Variants in PLN observed in about 807,000 individuals in gnomAD.
The protein encoded by PLN is phospholamban, also known as cardiac phospholamban.
Under a neutral mutation model 3.9 loss-of-function variants are expected in PLN, and 1 was observed. That is an observed-to-expected ratio of 0.26 (90% CI 0.09 to 1.23). The LOEUF is 1.23. Among genes scored for constraint, PLN ranks in the 50% most tolerant of loss-of-function variants. The probability of loss-of-function intolerance (pLI) is 0.48; values close to 1 mark genes in which losing one functional copy is unlikely to be tolerated. For missense variants in PLN, 59 were observed against 62.7 expected (o/e 0.94, Z 0.20); for synonymous variants, 21 against 20.5 (o/e 1.02, Z -0.07).
At chr6:118,550,639 C>G (rs1778487905) in intron 1 of PLN, among the ~76,000 whole-genome samples, 1 of 151,844 alleles carries the variant, frequency 6.6e-6, no homozygotes, top group South Asian at 2.1e-4. Context: ...ACAGGGAAAC[C>G]TTGGCAGAAG....
At chr6:118,557,731 T>C (rs1347286930) in intron 1 of PLN, among the ~76,000 whole-genome samples, 1 of 152,176 alleles carries the variant, frequency 6.6e-6, no homozygotes, top group Non-Finnish European at 1.5e-5. Flanking sequence ...ATACAAATTA[T>C]TATCGAATAA....
In PLN at chr6:118,560,609, A is replaced by C. The variant is rs1302994196; in HGVS notation, c.*1529A>C. On this transcript the variant is annotated 3_prime_UTR_variant, in exon 2 of 2. Coordinates refer to ENST00000357525, the MANE Select transcript of PLN (RefSeq NM_002667.5). ...TTGTTCAAGGGTCAACTGTAATAGG[A>C]TATAGCTATTTTTCTTCCTCTATCA... 6.0e-6 allele frequency: 1 copy of C among 166,996 alleles called. No homozygotes were observed. The highest frequency in any genetic ancestry group is 1.5e-5 in the Non-Finnish European group (1 of 68,082). The allele number at this position is 166,996 out of a possible 1,614,324, so 10.3% of individuals were successfully genotyped here. A position where few individuals can be genotyped will look rare whatever the true frequency, so the allele number is the denominator to read the frequency against.
At chr6:118,555,566 A>G (rs1032949922) in intron 1 of PLN, among the ~76,000 whole-genome samples, 19 of 152,216 alleles carry the variant, frequency 1.2e-4, no homozygotes, top group Non-Finnish European at 2.2e-4. Flanking sequence ...TCAATAAAGA[A>G]CAAAAGAAAA....
intron 1 of PLN, 143 bp from the exon 2 acceptor site, chr6:118,558,682 G>C: frequency 1.9e-6 from 1 of 533,548 alleles, no homozygotes; most frequent in Non-Finnish European, 3.4e-6. Flanking sequence ...GAGAGAGAGA[G>C]AGAGAGGGAG....
rs542707531 is a variant in PLN at position 118,557,979 on chromosome 6, T to C, written c.-97-846T>C. On this transcript the variant is annotated intron_variant, in intron 1 of 1. Coordinates refer to ENST00000357525, the MANE Select transcript of PLN (RefSeq NM_002667.5). Reference sequence around the variant, plus strand: ...ATCTTTGTTGGCTTTTTTTTTTTTTTCCTGGGACAGAGTTTTGCTCTGTCA... The same window carrying C: ...ATCTTTGTTGGCTTTTTTTTTTTTTCCCTGGGACAGAGTTTTGCTCTGTCA... 1.3e-4 allele frequency among the ~76,000 whole-genome samples: 20 copies of C among 151,912 alleles called. No individual in the cohort carries two copies. The South Asian group carries it at 1.5e-3, about 11-fold the overall frequency.
At chr6:118,558,341 G>C (rs1338686430) in intron 1 of PLN, among the ~76,000 whole-genome samples, 1 of 152,106 alleles carries the variant, frequency 6.6e-6, no homozygotes, top group East Asian at 1.9e-4. Flanking sequence ...TCTTTATTGA[G>C]AAGTTTGGTG....
chr6:118,550,475 T>G (rs1203683526), intron 1 of PLN, among the ~76,000 whole-genome samples: 2 of 151,882 alleles, frequency 1.3e-5, no homozygotes, highest in African/African-American at 2.4e-5. Context: ...AATGAACACT[T>G]CTTTTTTATT....
chr6:118,561,570 G>C lies in PLN; in HGVS notation c.*2490G>C, dbSNP rs577127075. 5.6e-4 allele frequency among the ~76,000 whole-genome samples: 85 copies of C among 151,824 alleles called. No homozygotes were observed. Among genetic ancestry groups the C allele is most frequent in the Non-Finnish European group, 1.1e-3 (73 of 67,940 alleles). On this transcript the variant is annotated 3_prime_UTR_variant, in exon 2 of 2. Transcript: ENST00000357525. ...AAATGCTCAAATATGTTCTACTATA[G>C]AATAAGTTCTTATCTTAATTTACAG...
At chr6:118,548,755 CAAT>C (rs1293193474) in intron 1 of PLN, among the ~76,000 whole-genome samples, 2 of 152,018 alleles carry the variant, frequency 1.3e-5, no homozygotes, top group East Asian at 1.9e-4. Flanking sequence ...CATGCAAAAA[CAAT>C]GACTTAATTT....
chr6:118,551,809 A>T (rs1017167106), intron 1 of PLN, among the ~76,000 whole-genome samples: 3 of 152,056 alleles, frequency 2.0e-5, no homozygotes, highest in Admixed American at 1.3e-4. Flanking sequence ...TGTTGCTACC[A>T]CAAAGTAACT....
intron 1 of PLN, among the ~76,000 whole-genome samples, chr6:118,554,930 T>C (rs1315744585): frequency 6.6e-6 from 1 of 152,176 alleles, no homozygotes; most frequent in African/African-American, 2.4e-5. Flanking sequence ...AGTGTCAACG[T>C]AGGGGATGAC....
chr6:118,550,459 AG>A (rs1001200058), intron 1 of PLN, among the ~76,000 whole-genome samples: 18 of 151,894 alleles, frequency 1.2e-4, no homozygotes, highest in Non-Finnish European at 2.2e-4. Flanking sequence ...AGAAATGAGG[AG>A]GGCCAATGAA....
chr6:118,549,319 G>C (rs1271657068), intron 1 of PLN, among the ~76,000 whole-genome samples: 1 of 151,848 alleles, frequency 6.6e-6, no homozygotes, highest in Non-Finnish European at 1.5e-5. Flanking sequence ...CAGGAATGGA[G>C]ATGCCACAAT....
At chr6:118,551,118 T>A (rs1258858897) in intron 1 of PLN, among the ~76,000 whole-genome samples, 1 of 151,894 alleles carries the variant, frequency 6.6e-6, no homozygotes, top group African/African-American at 2.4e-5. Context: ...TTCACAAAAA[T>A]CACATTTCGA....
intron 1 of PLN, among the ~76,000 whole-genome samples, chr6:118,552,465 T>C (rs1562253249): frequency 6.6e-6 from 1 of 152,024 alleles, no homozygotes; most frequent in Non-Finnish European, 1.5e-5. Context: ...AGAATGCATC[T>C]GATATTACAT....
chr6:118,557,852 G>A (rs538310941), intron 1 of PLN, among the ~76,000 whole-genome samples: 1 of 152,110 alleles, frequency 6.6e-6, no homozygotes, highest in Non-Finnish European at 1.5e-5. Context: ...GCATGGAGCT[G>A]GATGTGCTCC....
At chr6:118,552,369 A>G (rs908261579) in intron 1 of PLN, among the ~76,000 whole-genome samples, 1 of 152,112 alleles carries the variant, frequency 6.6e-6, no homozygotes, top group Non-Finnish European at 1.5e-5. Flanking sequence ...CAGCATATAC[A>G]ACATCATTAA....
At chr6:118,549,692 A>G (rs1047951450) in intron 1 of PLN, among the ~76,000 whole-genome samples, 2 of 151,844 alleles carry the variant, frequency 1.3e-5, no homozygotes, top group Admixed American at 1.3e-4. Context: ...AAAGTCATTC[A>G]GTGTAGGTGT....
intron 1 of PLN, among the ~76,000 whole-genome samples, chr6:118,556,289 T>C (rs1326958970): frequency 2.6e-5 from 4 of 152,204 alleles, no homozygotes; most frequent in African/African-American, 7.2e-5. Flanking sequence ...GAAGAATATA[T>C]GCTAGAAAAA....
Sources: allele counts gnomAD v4.1 joint callset (sites outside exome capture counted in the v4.1 genomes callset), GRCh38; gene constraint gnomAD v4.1.1; transcripts MANE v1.5; gene names NCBI Gene and HGNC (gene_info 2026-07-23, HGNC 2026-07-21).